Variants in ANKRD2 observed in about 807,000 individuals in gnomAD.
ANKRD2 encodes ankyrin repeat domain-containing protein 2.
A neutral mutation model predicts 37.3 loss-of-function variants in ANKRD2; 35 were observed. The ratio of observed to expected loss-of-function variants is 0.94; its 90% confidence interval spans 0.72 to 1.24. ANKRD2 has a LOEUF of 1.24. Ranked by LOEUF, ANKRD2 falls within the 50% of genes most tolerant of loss-of-function variation. The pLI is 0.00. For synonymous variants in ANKRD2, 159 were observed against 186.5 expected, an observed-to-expected ratio of 0.85 and a Z score of 1.20; for missense variants, 410 against 445.6, an observed-to-expected ratio of 0.92 and a Z score of 0.72.
At chr10:97,581,439 A>G (rs767533923) in intron 6 of ANKRD2, 25 bp downstream of exon 6, 4 of 1,611,202 alleles carry the variant, frequency 2.5e-6, no homozygotes, top group Admixed American at 1.7e-5. Flanking sequence ...CTCAGAAGCA[A>G]CAGATATTGG....
intron 1 of ANKRD2, 98 bp downstream of exon 1, chr10:97,572,973 G>C (rs41290454): frequency 2.4e-4 from 346 of 1,445,082 alleles, no homozygotes; most frequent in Non-Finnish European, 3.0e-4. Flanking sequence ...TGGTGGGGAG[G>C]GGGGCAGATG....
chr10:97,583,793 C>T lies in ANKRD2; in HGVS notation c.*68C>T. 2.1e-6 allele frequency: 3 copies of T among 1,411,838 alleles called. No individual in the cohort carries two copies. The highest frequency in any genetic ancestry group is 1.7e-5 in the South Asian group (1 of 60,096). The allele number at this position is 1,411,838 out of a possible 1,614,324, so 87.5% of individuals were successfully genotyped here. A position where few individuals can be genotyped will look rare whatever the true frequency, so the allele number is the denominator to read the frequency against. On this transcript the variant is annotated 3_prime_UTR_variant, in exon 9 of 9. Coordinates refer to ENST00000370655, the MANE Select transcript of ANKRD2 (RefSeq NM_001346793.2). ...TGCAGCCGGAGGGTCCTAAGAATGG[C>T]TCCCGGAGCTAACTGAGGGCCCAGC...
chr10:97,580,562 A>T (rs1187562908), intron 4 of ANKRD2, among the ~76,000 whole-genome samples: 1 of 152,172 alleles, frequency 6.6e-6, no homozygotes, highest in Non-Finnish European at 1.5e-5. Context: ...AGATTTTATC[A>T]AGCACTCCCA....
intron 4 of ANKRD2, 89 bp from the exon 5 acceptor site, chr10:97,580,766 T>TG: frequency 1.1e-6 from 1 of 951,686 alleles, no homozygotes. Flanking sequence ...AGAATCAAGC[T>TG]GGGGGGAAGG....
intron 1 of ANKRD2, among the ~76,000 whole-genome samples, chr10:97,575,865 C>T (rs2040820458): frequency 4.7e-5 from 7 of 150,116 alleles, no homozygotes; most frequent in Admixed American, 4.6e-4. Context: ...AAGCCGAGAT[C>T]ACACCACCGC....
intron 1 of ANKRD2, among the ~76,000 whole-genome samples, chr10:97,577,022 T>TTC (rs145290373): frequency 6.1e-5 from 9 of 148,490 alleles, no homozygotes; most frequent in Admixed American, 4.7e-4. Flanking sequence ...GGCAGGGTCA[T>TTC]TCTCTCTCTC....
Position 97,577,836 on chromosome 10 carries a change from G to A in ANKRD2, c.124G>A (p.Asp42Asn). The change falls in exon 2 of 9, where the codon GAC becomes AAC. Residue 42 changes from aspartate to asparagine, a missense_variant. Transcript: ENST00000370655. ...RGDARQKLPMDLLVLEDEKHH... is the reference protein window; with the variant it reads ...RGDARQKLPMNLLVLEDEKHH... ...AGACGCACGCCAGAAGCTGCCCATG[G>A]ACTTGCTGGTGCTGGAGGATGAGAA... is the stretch of plus-strand genomic sequence containing the variant. The A allele has an allele frequency of 6.4e-7, 1 of 1,573,576 alleles. No individual in the cohort carries two copies. Among genetic ancestry groups the A allele is most frequent in the Non-Finnish European group, 8.6e-7 (1 of 1,159,488 alleles).
At chr10:97,573,432 G>C (rs1446851260) in intron 1 of ANKRD2, among the ~76,000 whole-genome samples, 1 of 151,888 alleles carries the variant, frequency 6.6e-6, no homozygotes, top group African/African-American at 2.4e-5. Flanking sequence ...GTCCTATTCT[G>C]CATTTTTTTT....
At chr10:97,572,693 T>G (rs149677735), upstream of ANKRD2, 18 of 1,595,536 alleles carry the variant, frequency 1.1e-5, no homozygotes, top group Non-Finnish European at 1.4e-5. Context: ...GGTGGAGAAT[T>G]GGGCCAGTGA....
At chr10:97,583,540 CT>C in intron 8 of ANKRD2, 35 bp from the exon 9 acceptor site, 1 of 1,539,544 alleles carries the variant, frequency 6.5e-7, no homozygotes, top group Non-Finnish European at 8.7e-7. Flanking sequence ...CAGATTTTCT[CT>C]TGCCAACCCC....
At chr10:97,579,228 G>A (rs1225503661) in intron 4 of ANKRD2, among the ~76,000 whole-genome samples, 1 of 150,900 alleles carries the variant, frequency 6.6e-6, no homozygotes, top group East Asian at 1.9e-4. Context: ...CAGTAACTCA[G>A]TATTCACTGA....
chr10:97,582,724 T>A, intron 8 of ANKRD2, 22 bp downstream of exon 8: 1 of 1,610,206 alleles, frequency 6.2e-7, no homozygotes, highest in African/African-American at 1.3e-5. Context: ...CCCTCCTTGA[T>A]TCAGTCACTG....
Position 97,572,806 on chromosome 10 carries a change from G to A in ANKRD2, c.18G>A (p.Glu6=), listed in dbSNP as rs370514584. MDGTM[E]DSEAVQRATA... ...AGGCGGTTATGGACGGCACCATGGA[G>A]GACTCCGAGGCGGTGCAGAGGGCCA... Residue 6 remains glutamate, a synonymous_variant, in exon 1 of 9, where the codon GAG becomes GAA. Transcript: ENST00000370655. 14 of 1,577,430 alleles carry A rather than the reference G, an allele frequency of 8.9e-6. No homozygotes were observed. Among genetic ancestry groups the A allele is most frequent in the Non-Finnish European group, 1.2e-5 (14 of 1,162,022 alleles).
chr10:97,576,701 T>C (rs1296382031), intron 1 of ANKRD2, among the ~76,000 whole-genome samples: 1 of 150,834 alleles, frequency 6.6e-6, no homozygotes, highest in African/African-American at 2.4e-5. Flanking sequence ...TATTTATTTA[T>C]TTATTTATTT....
Position 97,577,816 on chromosome 10 carries a change from C to G in ANKRD2, c.104C>G (p.Ala35Gly). The G allele has an allele frequency of 6.4e-7, 1 of 1,566,766 alleles. No homozygotes were observed. The highest frequency in any genetic ancestry group is 1.2e-5 in the South Asian group (1 of 85,084). The change falls in exon 2 of 9, where the codon GCA (alanine) becomes GGA (glycine). Residue 35 changes from alanine (A) to glycine (G), a missense_variant. Ala to Gly is a moderately conservative substitution (Grantham distance 60). Coordinates refer to ENST00000370655, the MANE Select transcript of ANKRD2 (RefSeq NM_001346793.2). ...GATCACCAGAAACTCCGAGGAGACG[C>G]ACGCCAGAAGCTGCCCATGGACTTG... Reference protein sequence around the residue: ...EEENEKLRGDARQKLPMDLLV... With the variant: ...EEENEKLRGDGRQKLPMDLLV...
chr10:97,583,301 T>C (rs1036756721), intron 8 of ANKRD2, among the ~76,000 whole-genome samples: 7 of 152,172 alleles, frequency 4.6e-5, no homozygotes, highest in Non-Finnish European at 8.8e-5. Flanking sequence ...GTTTTCACCC[T>C]CAGCATTATT....
At chr10:97,578,190 C>A in intron 2 of ANKRD2, 50 bp from the exon 3 acceptor site, 1 of 1,583,610 alleles carries the variant, frequency 6.3e-7, no homozygotes, top group Non-Finnish European at 8.6e-7. Context: ...TCTCCCAAGC[C>A]CCCCAAACTC....
intron 8 of ANKRD2, among the ~76,000 whole-genome samples, 169 bp from the exon 9 acceptor site, chr10:97,583,407 A>T (rs966048619): frequency 2.0e-5 from 3 of 152,176 alleles, no homozygotes; most frequent in African/African-American, 7.2e-5. Context: ...ACTAGATGCC[A>T]GTAGTACCCA....
Position 97,583,602 on chromosome 10 carries a change from G to A in ANKRD2, c.879G>A (p.Val293=), listed in dbSNP as rs1478615545. 10 of 1,605,274 alleles carry A rather than the reference G, an allele frequency of 6.2e-6. No homozygotes were observed. In the South Asian group the frequency reaches 1.0e-4, roughly 16 times the overall value. The change falls in exon 9 of 9, where the codon GTG becomes GTA. Residue 293 remains valine (V), a synonymous_variant. Coordinates refer to ENST00000370655, the MANE Select transcript of ANKRD2 (RefSeq NM_001346793.2). ...NLAGKTPTDL[V]QLWQADTRHA... ...CAGGAAAGACCCCGACGGACCTGGT[G>A]CAGCTCTGGCAGGCTGATACCCGGC... is the stretch of plus-strand genomic sequence containing the variant.
Sources: gnomAD v4.1 joint callset for allele counts (sites outside exome capture counted in the v4.1 genomes callset) on GRCh38, gnomAD v4.1.1 for gene constraint, MANE v1.5 for transcripts, NCBI Gene and HGNC (gene_info 2026-07-23, HGNC 2026-07-21) for gene names.